DSC3: variants seen among roughly 807,000 people sequenced by gnomAD.
DSC3 encodes desmocollin 3.
A neutral mutation model predicts 89.5 loss-of-function variants in DSC3; 97 were observed. The observed-to-expected ratio is 1.08, with a 90% confidence interval of 0.92 to 1.28. DSC3 has a LOEUF of 1.28. Ranked by LOEUF, DSC3 falls within the 50% of genes most tolerant of loss-of-function variation. The probability of loss-of-function intolerance (pLI) is 0.00; values close to 1 mark genes in which losing one functional copy is unlikely to be tolerated. For synonymous variants in DSC3, 436 were observed against 384.1 expected (o/e 1.14, Z -1.58); for missense variants, 1,199 against 1,085.3 (o/e 1.10, Z -1.47).
rs1338068041 is a variant in DSC3 at position 31,020,941 on chromosome 18, CA to C, written c.942+1394del. On this transcript the variant is annotated intron_variant, in intron 7 of 15. Coordinates refer to ENST00000360428, the MANE Select transcript of DSC3 (RefSeq NM_001941.5). ...TGGGCAAGAGAGCGAGACCCTCTCT[CA>C]AAAAAAGAAAAAAATACAAACAGAG... Among the ~76,000 whole-genome samples the C allele has an allele frequency of 2.6e-5, 4 of 151,452 alleles. No homozygotes were observed. The East Asian group carries it at 7.8e-4, about 29-fold the overall frequency.
chr18:31,036,732 C>A (rs1985980655), intron 1 of DSC3, among the ~76,000 whole-genome samples: 1 of 150,972 alleles, frequency 6.6e-6, no homozygotes, highest in Non-Finnish European at 1.5e-5. Flanking sequence ...TTGAGACTTT[C>A]CATCCATGAA....
rs868811650 is a variant in DSC3, at chr18:31,032,546, C to G, written c.70-270G>C. On this transcript the variant is annotated intron_variant, in intron 1 of 15. Transcript: ENST00000360428. Reference sequence around the variant, plus strand: ...GATGTCTGCTCTGCTCTAACTGCTTCTGTGTGTATGTGTGTGTGTGTGTGT... The same window carrying G: ...GATGTCTGCTCTGCTCTAACTGCTTGTGTGTGTATGTGTGTGTGTGTGTGT... 7.3e-4 allele frequency among the ~76,000 whole-genome samples: 98 copies of G among 133,822 alleles called. 1 individual carries two copies. Among genetic ancestry groups the G allele is most frequent in the African/African-American group, 2.7e-3 (90 of 33,478 alleles). 87.8% of individuals were successfully genotyped at this position (133,822 alleles called of 152,430 possible). A position where few individuals can be genotyped will look rare whatever the true frequency, so the allele number is the denominator to read the frequency against.
chr18:31,008,660 C>T (rs901993149), intron 9 of DSC3, 135 bp from the exon 10 acceptor site: 34 of 1,197,346 alleles, frequency 2.8e-5, no homozygotes, highest in Admixed American at 5.6e-5. Flanking sequence ...TGACTTTTAT[C>T]CCTTGCTAAA....
chr18:31,023,331 C>T (rs1251092421), intron 6 of DSC3, among the ~76,000 whole-genome samples: 1 of 152,072 alleles, frequency 6.6e-6, no homozygotes, highest in African/African-American at 2.4e-5. Context: ...CATGAGTTTC[C>T]ACAGTGAGTT....
At chr18:30,998,324 C>A (rs1984544413) in intron 14 of DSC3, among the ~76,000 whole-genome samples, 1 of 152,050 alleles carries the variant, frequency 6.6e-6, no homozygotes, top group Non-Finnish European at 1.5e-5. Flanking sequence ...AGAAATTATT[C>A]TTTTGTGTTC....
intron 13 of DSC3, among the ~76,000 whole-genome samples, chr18:31,002,798 C>G (rs1170372145): frequency 6.6e-6 from 1 of 151,874 alleles, no homozygotes; most frequent in Non-Finnish European, 1.5e-5. Flanking sequence ...CACAGTAAAG[C>G]CCATAATTCA....
At chr18:31,026,061 G>C in intron 4 of DSC3, 146 bp from the exon 5 acceptor site, 1 of 833,106 alleles carries the variant, frequency 1.2e-6, no homozygotes, top group Non-Finnish European at 1.9e-6. Context: ...TTGTTGGCAA[G>C]AGTAAGGCAA....
chr18:31,033,104 A>G (rs1369966351), intron 1 of DSC3, among the ~76,000 whole-genome samples: 1 of 152,166 alleles, frequency 6.6e-6, no homozygotes, highest in African/African-American at 2.4e-5. Flanking sequence ...GAATAAATGT[A>G]ATCAAATAAG....
intron 1 of DSC3, 64 bp downstream of exon 1, chr18:31,042,528 G>C: frequency 6.8e-7 from 1 of 1,481,396 alleles, no homozygotes; most frequent in Non-Finnish European, 9.2e-7. Context: ...CCAGCTCCGT[G>C]CAGCGTCCAG....
rs1986179622 is a variant in DSC3 at position 31,042,732 on chromosome 18, G to C, written c.-72C>G. The C allele has an allele frequency of 7.2e-7, 1 of 1,382,782 alleles. No homozygotes were observed. The highest frequency in any genetic ancestry group is 2.2e-5 in the Admixed American group (1 of 46,106). 85.7% of individuals were successfully genotyped at this position (1,382,782 alleles called of 1,614,324 possible). On this transcript the variant is annotated 5_prime_UTR_variant, in exon 1 of 16. Coordinates refer to ENST00000360428, the MANE Select transcript of DSC3 (RefSeq NM_001941.5). ...CGAGAGCGAGACCTGCCGAGGTGCA[G>C]GGCGCGGGAGGTGCTTTTCTCGCCG...
intron 2 of DSC3, among the ~76,000 whole-genome samples, chr18:31,031,980 A>AAAAT (rs1387686299): frequency 1.3e-5 from 2 of 152,172 alleles, no homozygotes; most frequent in Admixed American, 6.5e-5. Context: ...ATATTTAGCA[A>AAAAT]AAATAAATAA....
At chr18:31,028,934 C>CT (rs933566891) in intron 4 of DSC3, among the ~76,000 whole-genome samples, 21 of 152,132 alleles carry the variant, frequency 1.4e-4, no homozygotes, top group Non-Finnish European at 3.1e-4. Context: ...CAGAGCTCCT[C>CT]TAAGGAGCTC....
intron 7 of DSC3, among the ~76,000 whole-genome samples, chr18:31,019,066 T>C (rs983219912): frequency 2.0e-5 from 3 of 152,220 alleles, no homozygotes; most frequent in Non-Finnish European, 4.4e-5. Flanking sequence ...TTGGAAGTCA[T>C]AGGGGCAGCA....
rs771293855 is a variant in DSC3, at chr18:31,025,828, T to C, written c.562A>G (p.Ile188Val). The C allele has an allele frequency of 3.1e-6, 5 of 1,613,052 alleles. No individual in the cohort carries two copies. The highest frequency in any genetic ancestry group is 2.2e-5 in the South Asian group (2 of 91,060). The change falls in exon 5 of 16, where the codon ATA becomes GTA. Residue 188 changes from isoleucine (I) to valine (V), a missense_variant. By Grantham distance (29) the Ile-to-Val change is conservative. Coordinates refer to ENST00000360428, the MANE Select transcript of DSC3 (RefSeq NM_001941.5). ...VDKEPLNLFY[I>V]ERDTGNLFCT... The stretch of plus-strand genomic sequence containing the variant: ...AATAGATTTCCAGTGTCTCTTTCTA[T>C]ATAAAACAAATTTAAAGGTTCTTTA...
chr18:31,030,947 GA>G, intron 3 of DSC3, 25 bp downstream of exon 3: 1 of 1,599,656 alleles, frequency 6.3e-7, no homozygotes, highest in African/African-American at 1.3e-5. Context: ...AAAAATGACT[GA>G]AAATATTTAA....
intron 1 of DSC3, 44 bp downstream of exon 1, chr18:31,042,548 A>AC (rs1567964879): frequency 1.3e-6 from 2 of 1,534,428 alleles, no homozygotes; most frequent in East Asian, 4.9e-5. Context: ...GGGCGGATCC[A>AC]CCCCCGTCCC....
chr18:31,018,692 T>A lies in DSC3; in HGVS notation c.1051A>T (p.Asn351Tyr). The A allele has an allele frequency of 2.5e-6, 4 of 1,613,540 alleles. No homozygotes were observed. Among genetic ancestry groups the A allele is most frequent in the Non-Finnish European group, 2.5e-6 (3 of 1,179,912 alleles). ...GCATTTTGTCTGAAAGTGGGTGCATTATCATTTGAATCTGTTACTGTTATG... is the reference window on the plus strand; with the variant it reads ...GCATTTTGTCTGAAAGTGGGTGCATAATCATTTGAATCTGTTACTGTTATG... ...CIITVTDSND[N>Y]APTFRQNAYE... Residue 351 changes from asparagine to tyrosine, a missense_variant, in exon 8 of 16, where the codon AAT (asparagine) becomes TAT (tyrosine). Asn to Tyr is a moderately radical substitution (Grantham distance 143). Transcript: ENST00000360428.
chr18:30,999,416 T>C (rs1255120752), intron 14 of DSC3, among the ~76,000 whole-genome samples: 1 of 151,790 alleles, frequency 6.6e-6, no homozygotes, highest in Non-Finnish European at 1.5e-5. Flanking sequence ...TTTATTTAAG[T>C]TGCCATTACA....
rs773584301 is a variant in DSC3 at position 30,989,957 on chromosome 18, T to C, written c.*4218A>G. On this transcript the variant is annotated 3_prime_UTR_variant, in exon 16 of 16. Transcript: ENST00000360428. ...AAATAAGTGTTATCAATGTTCATTG[T>C]GAAAAAATCAACACAGAAAGAATAA... The C allele has an allele frequency of 3.3e-5, 5 of 152,298 alleles. No homozygotes were observed. The highest frequency in any genetic ancestry group is 4.8e-5 in the African/African-American group (2 of 41,432). The allele number at this position is 152,298 out of a possible 1,614,324, so 9.4% of individuals were successfully genotyped here.
Sources: allele counts gnomAD v4.1 joint callset (sites outside exome capture counted in the v4.1 genomes callset), GRCh38; gene constraint gnomAD v4.1.1; transcripts MANE v1.5; gene names NCBI Gene and HGNC (gene_info 2026-07-23, HGNC 2026-07-21).